ZSWIM4: variants seen among roughly 807,000 people sequenced by gnomAD.
The protein encoded by ZSWIM4 is zinc finger SWIM-type containing 4.
Under a neutral mutation model 102.5 loss-of-function variants are expected in ZSWIM4, and 62 were observed. The observed-to-expected ratio is 0.60, with a 90% confidence interval of 0.49 to 0.75. ZSWIM4 has a LOEUF of 0.75. Among genes scored for constraint, ZSWIM4 ranks in the 30% least tolerant of loss-of-function variants. ZSWIM4 has a pLI of 0.00. For synonymous variants in ZSWIM4, 652 were observed against 674.5 expected (o/e 0.97, Z 0.52); for missense variants, 1,280 against 1,529.6 (o/e 0.84, Z 2.72).
At chr19:13,828,782 G>A (rs561737302) in intron 13 of ZSWIM4, 56 bp downstream of exon 13, 41 of 1,520,324 alleles carry the variant, frequency 2.7e-5, no homozygotes, top group Middle Eastern at 1.7e-4. Flanking sequence ...TCTGCAGAGC[G>A]CACTGAGAGA....
At chr19:13,821,189 C>G (rs1975452494) in intron 10 of ZSWIM4, among the ~76,000 whole-genome samples, 1 of 150,688 alleles carries the variant, frequency 6.6e-6, no homozygotes, top group Non-Finnish European at 1.5e-5. Context: ...GAGGCTGAGA[C>G]AGGAGAATGA....
At chr19:13,801,717 G>A (rs1306446046) in intron 2 of ZSWIM4, among the ~76,000 whole-genome samples, 2 of 150,520 alleles carry the variant, frequency 1.3e-5, no homozygotes, top group African/African-American at 2.5e-5. Flanking sequence ...TGTTGCCCAG[G>A]CTGGAGTGCA....
rs962758042 is a variant in ZSWIM4 at position 13,825,097 on chromosome 19, T to G, written c.2216-453T>G. Among the ~76,000 whole-genome samples the G allele has an allele frequency of 1.3e-5, 2 of 151,150 alleles. No individual in the cohort carries two copies. The highest frequency in any genetic ancestry group is 2.9e-5 in the Non-Finnish European group (2 of 67,852). On this transcript the variant is annotated intron_variant, in intron 11 of 13. Transcript: ENST00000590508. This position sits in a 1 kb window ranked among gnomAD's most constrained non-coding sequence, Gnocchi z 4.6. ...CTCTATCATCTAGGCTGGAGTGCAGTGGTGCCATCTCAGCTGACTGCAACC... is the reference window on the plus strand; with the variant it reads ...CTCTATCATCTAGGCTGGAGTGCAGGGGTGCCATCTCAGCTGACTGCAACC...
At chr19:13,821,036 C>T (rs1975448549) in intron 10 of ZSWIM4, among the ~76,000 whole-genome samples, 2 of 152,122 alleles carry the variant, frequency 1.3e-5, no homozygotes, top group African/African-American at 4.8e-5. Flanking sequence ...GTAATCCCAG[C>T]ACTTTGGGAG....
Position 13,813,029 on chromosome 19 carries a change from C to A in ZSWIM4, c.1045C>A (p.His349Asn), listed in dbSNP as rs778851161. The A allele has an allele frequency of 2.5e-6, 4 of 1,613,566 alleles. No homozygotes were observed. The Admixed American group carries it at 6.7e-5, about 27-fold the overall frequency. ...GTGGGTTTGCGTCGTCCTGAGCCCC[C>A]ACTGCAAACCAGAGGAAAGGGCAGG... ...ALWVCVVLSP[H>N]CKPEERAGWL... is the part of the protein sequence containing the mutation. Residue 349 changes from histidine (H) to asparagine (N), a missense_variant, in exon 6 of 14, where the codon CAC becomes AAC. His to Asn is a moderately conservative substitution (Grantham distance 68). Coordinates refer to ENST00000590508, the MANE Select transcript of ZSWIM4 (RefSeq NM_001367834.3).
Position 13,830,367 on chromosome 19 carries a change from G to A in ZSWIM4, c.2638G>A (p.Ala880Thr), listed in dbSNP as rs773535487. ...ACARTLALQC[A>T]MKDPQNCALP... ...CGCCCGCACCCTGGCCTTGCAGTGC[G>A]CGATGAAGGACCCTCAGAACTGCGC... Residue 880 changes from alanine (A) to threonine (T), a missense_variant, in exon 14 of 14, where the codon GCG becomes ACG. Transcript: ENST00000590508. 3.1e-6 allele frequency: 5 copies of A among 1,613,066 alleles called. No individual in the cohort carries two copies. The highest frequency in any genetic ancestry group is 4.2e-6 in the Non-Finnish European group (5 of 1,179,994).
intron 2 of ZSWIM4, among the ~76,000 whole-genome samples, chr19:13,800,222 G>A (rs866180483): frequency 8.5e-6 from 1 of 118,166 alleles, no homozygotes; most frequent in South Asian, 2.9e-4. Context: ...CCGCCACCGC[G>A]CCCAGCTAAT....
chr19:13,800,853 G>A (rs901677165), intron 2 of ZSWIM4, among the ~76,000 whole-genome samples: 3 of 152,148 alleles, frequency 2.0e-5, no homozygotes, highest in Admixed American at 6.6e-5. Flanking sequence ...ATGTAAAGGA[G>A]GGGTGAGGCC....
chr19:13,805,512 G>A (rs952614140), intron 3 of ZSWIM4, among the ~76,000 whole-genome samples: 1 of 152,054 alleles, frequency 6.6e-6, no homozygotes, highest in South Asian at 2.1e-4. Flanking sequence ...ACGTTTGTGG[G>A]TGTCAGAGGT....
intron 1 of ZSWIM4, 46 bp downstream of exon 1, chr19:13,795,847 C>G: frequency 8.6e-7 from 1 of 1,158,806 alleles, no homozygotes; most frequent in Non-Finnish European, 1.1e-6. Flanking sequence ...ACCCCCAGCA[C>G]CTTCCCCACC....
chr19:13,807,640 G>A (rs1974954433), intron 3 of ZSWIM4, among the ~76,000 whole-genome samples: 1 of 150,928 alleles, frequency 6.6e-6, no homozygotes, highest in South Asian at 2.1e-4. Context: ...AGGGGAGATA[G>A]ATGGATTGGA....
intron 1 of ZSWIM4, among the ~76,000 whole-genome samples, chr19:13,798,085 C>T (rs937226098): frequency 4.6e-5 from 7 of 152,252 alleles, no homozygotes; most frequent in African/African-American, 1.7e-4. Flanking sequence ...TTGGAAATTA[C>T]ATACATAAAG....
chr19:13,813,393 C>T (rs1196543840), intron 6 of ZSWIM4, among the ~76,000 whole-genome samples: 1 of 152,124 alleles, frequency 6.6e-6, no homozygotes. Flanking sequence ...AAGTAAAATG[C>T]TTAAAACACC....
chr19:13,829,217 G>A (rs1975691557), intron 13 of ZSWIM4, among the ~76,000 whole-genome samples: 1 of 152,114 alleles, frequency 6.6e-6, no homozygotes, highest in African/African-American at 2.4e-5. Flanking sequence ...GGAGATTGAG[G>A]TTGCAGTGAG....
At chr19:13,815,965 AGAGAGAGAGGAGAGCGAG>A in intron 7 of ZSWIM4, among the ~76,000 whole-genome samples, 2 of 142,880 alleles carry the variant, frequency 1.4e-5, no homozygotes. Context: ...AAAAAAAAAG[AGAGAGAGAGGAGAGCGAG>A]GAGAGAGAGA....
At chr19:13,799,643 G>A (rs1192069532) in intron 1 of ZSWIM4, 77 bp from the exon 2 acceptor site, 9 of 1,439,218 alleles carry the variant, frequency 6.3e-6, no homozygotes, top group East Asian at 2.3e-5. Context: ...GGCCTCAAGC[G>A]ATCCTCCCTC....
At position 13,825,640 on chromosome 19, in the gene ZSWIM4, G is replaced by A; in HGVS notation, c.2306G>A (p.Cys769Tyr). The A allele has an allele frequency of 6.2e-7, 1 of 1,613,950 alleles. No homozygotes were observed. Among genetic ancestry groups the A allele is most frequent in the South Asian group, 1.1e-5 (1 of 91,088 alleles). ...ALLFKLAQDACKTATPVSAPP... is the reference protein window; with the variant it reads ...ALLFKLAQDAYKTATPVSAPP... The stretch of plus-strand genomic sequence containing the variant: ...CTCTTTAAGCTGGCGCAGGACGCCT[G>A]CAAGACAGCCACCCCGGTCAGCGCC... Residue 769 changes from cysteine (C) to tyrosine (Y), a missense_variant, in exon 12 of 14, where the codon TGC becomes TAC. Coordinates refer to ENST00000590508, the MANE Select transcript of ZSWIM4 (RefSeq NM_001367834.3). The surrounding 1 kb of genome is among the most constrained non-coding windows in gnomAD (Gnocchi z 4.6).
intron 1 of ZSWIM4, among the ~76,000 whole-genome samples, chr19:13,797,763 C>A (rs1437523150): frequency 1.3e-5 from 2 of 152,188 alleles, no homozygotes; most frequent in Non-Finnish European, 2.9e-5. Flanking sequence ...AGCAATTCTC[C>A]CGCCTCAGCC....
rs760232234 is a variant in ZSWIM4 at position 13,825,520 on chromosome 19, A to G, written c.2216-30A>G. 1 of 1,607,080 alleles carries G rather than the reference A, an allele frequency of 6.2e-7. No individual in the cohort carries two copies. Among genetic ancestry groups the G allele is most frequent in the South Asian group, 1.1e-5 (1 of 90,572 alleles). On this transcript the variant is annotated intron_variant, in intron 11 of 13. Coordinates refer to ENST00000590508, the MANE Select transcript of ZSWIM4 (RefSeq NM_001367834.3). This position sits in a 1 kb window ranked among gnomAD's most constrained non-coding sequence, Gnocchi z 4.6. ...AGAGGCTGGTGCTGAGGTGTATCCG[A>G]TGGTGTCCTCTGTCCCGCCCTTCAC...
Sources: gnomAD v4.1 joint callset for allele counts (sites outside exome capture counted in the v4.1 genomes callset) on GRCh38, gnomAD v4.1.1 for gene constraint, Gnocchi (gnomAD v3.1) non-coding constraint, MANE v1.5 for transcripts, NCBI Gene and HGNC (gene_info 2026-07-23, HGNC 2026-07-21) for gene names.